The following HTT variants were observed in gnomAD, a reference collection of about 807,000 sequenced individuals.
The protein encoded by HTT is huntingtin, also known as huntington disease protein.
HTT carries 104 observed loss-of-function variants against 362.3 expected under a neutral mutation model. The ratio of observed to expected loss-of-function variants is 0.29; its 90% CI spans 0.24 to 0.34. The LOEUF is 0.34. Ranked by LOEUF, HTT falls within the 10% of genes least tolerant of loss-of-function variation. HTT has a pLI of 1.00. For missense variants in HTT, 3,301 were observed against 3,928.6 expected, an observed-to-expected ratio of 0.84 and a Z score of 4.27; for synonymous variants, 1,577 against 1,548.7, an observed-to-expected ratio of 1.02 and a Z score of -0.43.
intron 38 of HTT, 118 bp from the exon 39 acceptor site, chr4:3,187,529 TAGAG>T: frequency 1.4e-6 from 1 of 699,392 alleles, no homozygotes; most frequent in Non-Finnish European, 2.5e-6. Context: ...GACTCAGTGA[TAGAG>T]AGGTTTATTG....
rs199609576 is a variant in HTT, at chr4:3,206,860, G to A, written c.5952G>A (p.Gln1984=). ...LQCLEGIHLS[Q]SGAVLTLYVD... ...GCTTGGAGGGGATCCATCTCAGCCAGTCGGGAGCTGTGCTCACGCTGTATG... is the reference window on the plus strand; with the variant it reads ...GCTTGGAGGGGATCCATCTCAGCCAATCGGGAGCTGTGCTCACGCTGTATG... Residue 1984 remains glutamine, a synonymous_variant, in exon 44 of 67, where the codon CAG becomes CAA. Coordinates refer to ENST00000355072, the MANE Select transcript of HTT (RefSeq NM_001388492.1). This position sits in a 1 kb window ranked among gnomAD's most constrained non-coding sequence, Gnocchi z 4.6. 2.0e-4 allele frequency: 323 copies of A among 1,613,572 alleles called. 4 individuals are homozygous for A. In the South Asian group the frequency reaches 3.3e-3, roughly 16 times the overall value.
chr4:3,209,675 T>C, intron 46 of HTT, 152 bp from the exon 47 acceptor site: 1 of 823,680 alleles, frequency 1.2e-6, no homozygotes, highest in African/African-American at 1.7e-5. Context: ...ACCTGTGGTG[T>C]GGTGAGCCGT....
rs1720766000 is a variant in HTT at position 3,223,393 on chromosome 4, GCT to G, written c.7471-9_7471-8del. Reference sequence around the variant, plus strand: ...TCTTGCTGCTCTTGTTGACATGTGGGCTCTCCTTCCAGGAAGACACAGAGAGG... The same window carrying G: ...TCTTGCTGCTCTTGTTGACATGTGGGCTCCTTCCAGGAAGACACAGAGAGG... On this transcript the variant is annotated splice_polypyrimidine_tract_variant and intron_variant, in intron 54 of 66. Transcript: ENST00000355072. 6.4e-7 allele frequency: 1 copy of G among 1,565,378 alleles called. No individual in the cohort carries two copies.
Position 3,084,741 on chromosome 4 carries a change from T to C in HTT, c.264-2198T>C, listed in dbSNP as rs577146526. On this transcript the variant is annotated intron_variant, in intron 1 of 66. Transcript: ENST00000355072. Reference sequence around the variant, plus strand: ...AAATACAGCATTACTGGGCCGGGTGTGGTGGCTCACACCTGTAATCCCAGC... The same window carrying C: ...AAATACAGCATTACTGGGCCGGGTGCGGTGGCTCACACCTGTAATCCCAGC... 8.8e-4 allele frequency among the ~76,000 whole-genome samples: 131 copies of C among 149,028 alleles called. 1 individual carries two copies. The highest frequency in any genetic ancestry group is 1.4e-3 in the Non-Finnish European group (97 of 67,532).
intron 29 of HTT, among the ~76,000 whole-genome samples, chr4:3,162,478 A>T (rs1336706366): frequency 6.6e-6 from 1 of 152,212 alleles, no homozygotes; most frequent in Non-Finnish European, 1.5e-5. Context: ...TGATAGCTTG[A>T]TGGGGGGATA....
At chr4:3,092,575 T>A (rs931549084) in intron 2 of HTT, among the ~76,000 whole-genome samples, 2 of 152,164 alleles carry the variant, frequency 1.3e-5, no homozygotes, top group African/African-American at 4.8e-5. Context: ...ATAGATGAGA[T>A]CTTGCTGTAT....
Position 3,173,005 on chromosome 4 carries a change from C to T in HTT, c.4040C>T (p.Ser1347Phe). 1.9e-6 allele frequency: 3 copies of T among 1,614,186 alleles called. No individual in the cohort carries two copies. The highest frequency in any genetic ancestry group is 2.5e-6 in the Non-Finnish European group (3 of 1,180,038). ...CAAGGCCGAGCACAGCGCCTTGGCT[C>T]CTCCAGTGTGAGGCCAGGCTTGTAC... is the stretch of plus-strand genomic sequence containing the variant. ...KSQGRAQRLG[S>F]SSVRPGLYHY... Residue 1347 changes from serine (S) to phenylalanine (F), a missense_variant, in exon 31 of 67, where the codon TCC becomes TTC. Coordinates refer to ENST00000355072, the MANE Select transcript of HTT (RefSeq NM_001388492.1).
chr4:3,187,683 G>C lies in HTT; in HGVS notation c.5022G>C (p.Ser1674=), dbSNP rs757034900. The change falls in exon 39 of 67, where the codon TCG becomes TCC. Residue 1674 remains serine (S), a synonymous_variant. Transcript: ENST00000355072. The part of the protein sequence containing the change: ...ASVSTVQLWI[S]GILAILRVLI... ...TGAGCACTGTTCAACTGTGGATATC[G>C]GGAATTCTGGCCATTTTGAGGGTTC... is the stretch of plus-strand genomic sequence containing the variant. 1.2e-6 allele frequency: 2 copies of C among 1,613,898 alleles called. No homozygotes were observed. Among genetic ancestry groups the C allele is most frequent in the Non-Finnish European group, 1.7e-6 (2 of 1,179,934 alleles).
intron 7 of HTT, among the ~76,000 whole-genome samples, 173 bp from the exon 8 acceptor site, chr4:3,115,912 C>T (rs1714998287): frequency 6.6e-6 from 1 of 152,228 alleles, no homozygotes; most frequent in Non-Finnish European, 1.5e-5. Flanking sequence ...AAGGACCTTG[C>T]TGAGCTAGGG....
chr4:3,146,930 G>A lies in HTT; in HGVS notation c.3277G>A (p.Ala1093Thr). Residue 1093 changes from alanine to threonine, a missense_variant, in exon 25 of 67, where the codon GCC becomes ACC. Transcript: ENST00000355072. The part of the protein sequence containing the change: ...LSAHQDALIL[A>T]GNLLAASAPK... ...AGCCCATCAAGATGCTTTGATTTTG[G>A]CCGGAAACTTGCTTGCAGGTACTGG... 6.2e-7 allele frequency: 1 copy of A among 1,614,164 alleles called. No individual in the cohort carries two copies. Among genetic ancestry groups the A allele is most frequent in the Non-Finnish European group, 8.5e-7 (1 of 1,180,022 alleles).
chr4:3,127,669 A>G, intron 12 of HTT, 65 bp downstream of exon 12: 1 of 1,255,658 alleles, frequency 8.0e-7, no homozygotes, highest in East Asian at 2.4e-5. Flanking sequence ...GTCTCACTCC[A>G]TAGTGCAGTG....
intron 45 of HTT, among the ~76,000 whole-genome samples, chr4:3,207,650 G>A (rs1719932682): frequency 6.6e-6 from 1 of 152,218 alleles, no homozygotes; most frequent in South Asian, 2.1e-4. Context: ...GTCCTGTGAT[G>A]AGTGGGAAAA....
At chr4:3,152,929 G>A (rs1716970424) in intron 26 of HTT, among the ~76,000 whole-genome samples, 1 of 151,888 alleles carries the variant, frequency 6.6e-6, no homozygotes, top group African/African-American at 2.4e-5. Context: ...GGGATTACAG[G>A]CGTGAGCCAC....
At chr4:3,100,759 C>T (rs951266291) in intron 3 of HTT, among the ~76,000 whole-genome samples, 5 of 152,204 alleles carry the variant, frequency 3.3e-5, no homozygotes, top group Non-Finnish European at 7.3e-5. Flanking sequence ...GACAGGGTCT[C>T]GCTCAGTCAC....
chr4:3,158,238 C>T (rs929168197), intron 28 of HTT, among the ~76,000 whole-genome samples: 3 of 152,210 alleles, frequency 2.0e-5, no homozygotes, highest in Non-Finnish European at 2.9e-5. Context: ...CCTCCTTGGC[C>T]TCCCAAAGTG....
At chr4:3,077,861 T>C (rs1289541186) in intron 1 of HTT, among the ~76,000 whole-genome samples, 1 of 149,864 alleles carries the variant, frequency 6.7e-6, no homozygotes, top group East Asian at 1.9e-4. Context: ...TATTCACTAA[T>C]TTTGAGTAAC....
chr4:3,102,749 G>T (rs1057403004), intron 3 of HTT, among the ~76,000 whole-genome samples: 1 of 152,236 alleles, frequency 6.6e-6, no homozygotes, highest in Admixed American at 6.5e-5. Context: ...GCTCCTATGG[G>T]TGAGAGTGGG....
rs894371330 is a variant in HTT at position 3,218,684 on chromosome 4, T to G, written c.7242+732T>G. Among the ~76,000 whole-genome samples, 1 of 150,654 alleles carries G rather than the reference T, an allele frequency of 6.6e-6. No individual in the cohort carries two copies. The highest frequency in any genetic ancestry group is 2.4e-5 in the African/African-American group (1 of 41,010). On this transcript the variant is annotated intron_variant, in intron 52 of 66. Transcript: ENST00000355072. This position sits in a 1 kb window ranked among gnomAD's most constrained non-coding sequence, Gnocchi z 4.4. Reference sequence around the variant, plus strand: ...ATCAGAACCCTTGTTTCAGATAACATGAGGAGCTTAGCTTGAGGAGAGTGA... The same window carrying G: ...ATCAGAACCCTTGTTTCAGATAACAGGAGGAGCTTAGCTTGAGGAGAGTGA...
intron 59 of HTT, 66 bp downstream of exon 59, chr4:3,229,075 CCACA>C (rs1178755360): frequency 1.4e-5 from 20 of 1,472,672 alleles, no homozygotes; most frequent in Admixed American, 5.4e-5. Context: ...GCCACACACC[CCACA>C]CACACACACC....
Sources: allele counts gnomAD v4.1 joint callset (sites outside exome capture counted in the v4.1 genomes callset), GRCh38; gene constraint gnomAD v4.1.1; non-coding constraint Gnocchi (gnomAD v3.1); transcripts MANE v1.5; gene names NCBI Gene and HGNC (gene_info 2026-07-23, HGNC 2026-07-21).